NR5A2: variants seen among roughly 807,000 people sequenced by gnomAD.
NR5A2 encodes nuclear receptor subfamily 5 group A member 2.
A neutral mutation model predicts 62.7 loss-of-function variants in NR5A2; 26 were observed. That is an observed-to-expected ratio of 0.41 (90% CI 0.30 to 0.58). The LOEUF (loss-of-function observed/expected upper bound fraction) is 0.58, where lower values mean the gene tolerates loss of function less well. Ranked by LOEUF, NR5A2 falls within the 20% of genes least tolerant of loss-of-function variation. The pLI, the probability that NR5A2 is intolerant of heterozygous loss-of-function variation, is 0.22. For synonymous variants in NR5A2, 246 were observed against 241.7 expected (o/e 1.02, Z -0.16); for missense variants, 541 against 669.1 (o/e 0.81, Z 2.11).
At chr1:200,157,412 T>C (rs951399181) in intron 7 of NR5A2, among the ~76,000 whole-genome samples, 4 of 152,206 alleles carry the variant, frequency 2.6e-5, no homozygotes, top group African/African-American at 9.7e-5. Context: ...ATGCAAACCT[T>C]AGAATTGAGC....
intron 1 of NR5A2, chr1:200,038,836 C>A (rs1345882524): frequency 2.7e-6 from 3 of 1,125,966 alleles, no homozygotes; most frequent in Non-Finnish European, 3.5e-6. Context: ...GGGGGTGAGG[C>A]GGGGTGAAGA....
intron 7 of NR5A2, among the ~76,000 whole-genome samples, chr1:200,129,740 G>A (rs1666878751): frequency 6.6e-6 from 1 of 152,068 alleles, no homozygotes; most frequent in Admixed American, 6.6e-5. Flanking sequence ...ATCATGAAGG[G>A]GTTTTTCTGC....
rs763436139 is a variant in NR5A2, at chr1:200,048,669, A to G, written c.961A>G (p.Lys321Glu). 8.1e-6 allele frequency: 13 copies of G among 1,614,246 alleles called. No individual in the cohort carries two copies. The highest frequency in any genetic ancestry group is 1.1e-5 in the Non-Finnish European group (13 of 1,180,046). Residue 321 changes from lysine to glutamate, a missense_variant, in exon 5 of 8, where the codon AAA becomes GAA. Physicochemically the swap from Lys to Glu is moderately conservative, Grantham distance 56. Coordinates refer to ENST00000367362, the MANE Select transcript of NR5A2 (RefSeq NM_205860.3). This position sits in a 1 kb window ranked among gnomAD's most constrained non-coding sequence, Gnocchi z 4.8. ...GCCAGATGAGCCTCAAGTCCAGGCTAAAATCATGGCCTATTTGCAGCAAGA... is the reference window on the plus strand; with the variant it reads ...GCCAGATGAGCCTCAAGTCCAGGCTGAAATCATGGCCTATTTGCAGCAAGA... ...CEPDEPQVQA[K>E]IMAYLQQEQA...
intron 5 of NR5A2, among the ~76,000 whole-genome samples, chr1:200,094,193 T>C (rs374723290): frequency 3.3e-5 from 4 of 122,056 alleles, no homozygotes; most frequent in African/African-American, 1.3e-4. Context: ...TTTTTTTTTT[T>C]CTTTTTTTGG....
intron 1 of NR5A2, among the ~76,000 whole-genome samples, chr1:200,036,523 G>A (rs1374627763): frequency 2.0e-5 from 3 of 152,228 alleles, no homozygotes; most frequent in African/African-American, 7.2e-5. Flanking sequence ...CCCTGCCTCT[G>A]CCTCTTGGAT....
rs1340437975 is a variant in NR5A2 at position 200,174,341 on chromosome 1, G to T, written c.*131G>T. The T allele has an allele frequency of 1.3e-5, 12 of 943,996 alleles. No individual in the cohort carries two copies. In the Admixed American group the frequency reaches 1.8e-4, roughly 14 times the overall value. The allele number at this position is 943,996 out of a possible 1,614,324, so 58.5% of individuals were successfully genotyped here. A position where few individuals can be genotyped will look rare whatever the true frequency, so the allele number is the denominator to read the frequency against. On this transcript the variant is annotated 3_prime_UTR_variant, in exon 8 of 8. Transcript: ENST00000367362. ...ACGCTAATTAAAAACTTGCTTTAAA[G>T]ATATTGAATTTAAAAAGGCATAATA...
At chr1:200,106,002 T>C (rs1665642030) in intron 5 of NR5A2, among the ~76,000 whole-genome samples, 1 of 104,360 alleles carries the variant, frequency 9.6e-6, no homozygotes, top group Admixed American at 9.8e-5. Context: ...TTTGATAGGC[T>C]AAATGTGGGC....
chr1:200,084,057 T>A (rs1201629241), intron 5 of NR5A2, among the ~76,000 whole-genome samples: 1 of 151,658 alleles, frequency 6.6e-6, no homozygotes, highest in Non-Finnish European at 1.5e-5. Context: ...TAAGATTCCT[T>A]CTTTCATTCA....
intron 2 of NR5A2, among the ~76,000 whole-genome samples, chr1:200,042,039 T>C (rs979948329): frequency 2.0e-5 from 3 of 152,220 alleles, no homozygotes; most frequent in Non-Finnish European, 4.4e-5. Flanking sequence ...CTAGGGGCTA[T>C]AAAGGAATTT....
At chr1:200,094,808 A>G (rs1445402484) in intron 5 of NR5A2, among the ~76,000 whole-genome samples, 1 of 152,046 alleles carries the variant, frequency 6.6e-6, no homozygotes, top group East Asian at 1.9e-4. Flanking sequence ...CTGGGATTAC[A>G]GGCGTGAGCC....
intron 5 of NR5A2, among the ~76,000 whole-genome samples, chr1:200,100,422 C>T (rs1276393626): frequency 6.6e-6 from 1 of 151,844 alleles, no homozygotes; most frequent in Non-Finnish European, 1.5e-5. Context: ...AGTTCTTTGC[C>T]CAAAGTTACC....
intron 2 of NR5A2, among the ~76,000 whole-genome samples, chr1:200,043,507 G>A (rs1169348877): frequency 6.6e-6 from 1 of 152,236 alleles, no homozygotes; most frequent in Non-Finnish European, 1.5e-5. Context: ...TATGAGACTT[G>A]TGTTTAAAAG....
intron 5 of NR5A2, among the ~76,000 whole-genome samples, chr1:200,073,740 ACAGTTTC>A (rs1275993646): frequency 6.6e-6 from 1 of 152,042 alleles, no homozygotes; most frequent in Non-Finnish European, 1.5e-5. Context: ...TCTCTGAGCC[ACAGTTTC>A]TTGATTAATT....
intron 5 of NR5A2, among the ~76,000 whole-genome samples, chr1:200,065,149 A>AT (rs1663409470): frequency 6.6e-6 from 1 of 150,784 alleles, no homozygotes; most frequent in South Asian, 2.1e-4. Flanking sequence ...TTTAGTTTTA[A>AT]TTTTTTTATT....
At chr1:200,111,931 G>A (rs1414127677) in intron 6 of NR5A2, among the ~76,000 whole-genome samples, 1 of 152,114 alleles carries the variant, frequency 6.6e-6, no homozygotes, top group Non-Finnish European at 1.5e-5. Flanking sequence ...GTTACTTTTT[G>A]GGGGCTTTGG....
intron 7 of NR5A2, among the ~76,000 whole-genome samples, chr1:200,172,164 C>T (rs116178154): frequency 6.6e-5 from 10 of 152,178 alleles, no homozygotes; most frequent in African/African-American, 2.4e-4. Context: ...CACTATAATG[C>T]AAAACAAATG....
chr1:200,080,819 C>A (rs2102234220), intron 5 of NR5A2, among the ~76,000 whole-genome samples: 1 of 152,302 alleles, frequency 6.6e-6, no homozygotes, highest in Non-Finnish European at 1.5e-5. Flanking sequence ...GGATGAGAGG[C>A]AACAAATTGC....
intron 1 of NR5A2, among the ~76,000 whole-genome samples, chr1:200,037,319 A>C (rs915769626): frequency 2.6e-5 from 4 of 152,276 alleles, no homozygotes; most frequent in African/African-American, 9.6e-5. Context: ...CCCCGGCTTC[A>C]CCAAGCAGAG....
chr1:200,077,175 T>C (rs552324078), intron 5 of NR5A2, among the ~76,000 whole-genome samples: 2 of 152,386 alleles, frequency 1.3e-5, no homozygotes, highest in Admixed American at 6.5e-5. Context: ...AAATGTTTTA[T>C]GTTGTTTTAA....
Sources: allele counts gnomAD v4.1 joint callset (sites outside exome capture counted in the v4.1 genomes callset), GRCh38; gene constraint gnomAD v4.1.1; non-coding constraint Gnocchi (gnomAD v3.1); transcripts MANE v1.5; gene names NCBI Gene and HGNC (gene_info 2026-07-23, HGNC 2026-07-21).